Variants in LAIR1 observed in about 807,000 individuals in gnomAD.
LAIR1 encodes the protein leukocyte associated immunoglobulin like receptor 1, also known as leukocyte-associated immunoglobulin-like receptor 1.
In LAIR1, 24 loss-of-function variants were observed where a neutral mutation model predicts 32.8. The observed-to-expected ratio is 0.73, with a 90% confidence interval of 0.53 to 1.03. The LOEUF (loss-of-function observed/expected upper bound fraction) is 1.03. LAIR1 is among the 50% of genes least tolerant of loss of function. The pLI, the probability that LAIR1 is intolerant of heterozygous loss-of-function variation, is 0.00. For missense variants in LAIR1, 355 were observed against 347.5 expected (o/e 1.02, Z -0.17); for synonymous variants, 150 against 140.5 (o/e 1.07, Z -0.48).
intron 4 of LAIR1, chr19:54,358,187 ATTATAG>A (rs1327511166): frequency 1.4e-5 from 2 of 146,362 alleles, no homozygotes; most frequent in African/African-American, 5.0e-5. Flanking sequence ...TATTTTTTCT[ATTATAG>A]TTATACATAA....
chr19:54,358,663 C>A (rs2081858478), intron 4 of LAIR1: 10 of 1,489,714 alleles, frequency 6.7e-6, no homozygotes, highest in Non-Finnish European at 9.2e-6. Context: ...TTAATAGGAG[C>A]ATCCCTCCTT....
chr19:54,372,137 A>G (rs2082420371), upstream of LAIR1, among the ~76,000 whole-genome samples: 1 of 151,660 alleles, frequency 6.6e-6, no homozygotes, highest in Non-Finnish European at 1.5e-5. Flanking sequence ...CCCTTCGGTA[A>G]ATATCAAGGA....
At chr19:54,375,966 C>T in the LAIR1 span, among the ~76,000 whole-genome samples, 13 of 151,722 alleles carry the variant, frequency 8.6e-5, no homozygotes, top group Non-Finnish European at 1.8e-4. Context: ...TGGGGGCCCC[C>T]GGTTGGCAGT....
At chr19:54,356,425 G>A in intron 6 of LAIR1, 27 bp from the exon 7 acceptor site, 2 of 1,607,292 alleles carry the variant, frequency 1.2e-6, no homozygotes, top group Non-Finnish European at 1.7e-6. Context: ...TGTGAATTAA[G>A]GAGACCTTCT....
rs773284375 is a variant in LAIR1, at chr19:54,355,964, G to A, written c.707C>T (p.Thr236Met). ...VNGLPEKDRE[T>M]DTSALAAGSS... ...AGTAGGAAGGCTCACCGAGGTGTCC[G>A]TCTCTCTGTCCTTCTCAGGAAGTCC... is the stretch of plus-strand genomic sequence containing the variant. The change falls in exon 9 of 10, where the codon ACG (threonine) becomes ATG (methionine). Residue 236 changes from threonine (T) to methionine (M), a missense_variant. Physicochemically the swap from Thr to Met is moderately conservative, Grantham distance 81. Transcript: ENST00000391742. This position sits in a 1 kb window ranked among gnomAD's most constrained non-coding sequence, Gnocchi z 4.7. The A allele has an allele frequency of 2.1e-5, 34 of 1,604,224 alleles. No individual in the cohort carries two copies. The highest frequency in any genetic ancestry group is 3.3e-5 in the Admixed American group (2 of 59,972).
chr19:54,373,431 G>C (rs556704641), upstream of LAIR1, among the ~76,000 whole-genome samples: 7 of 151,884 alleles, frequency 4.6e-5, no homozygotes, highest in Non-Finnish European at 8.8e-5. Context: ...GTGACAGAGC[G>C]AGACTCCGTC....
rs2287826 is a variant in LAIR1 at position 54,351,651 on chromosome 19, A to G, written c.*3617T>C. The stretch of plus-strand genomic sequence containing the variant: ...TCTTAAGTAGTAGTTTCCATTGGAC[A>G]GCAGGTGTGTAAGCAGGAGCCAAGA... On this transcript the variant is annotated 3_prime_UTR_variant, in exon 10 of 10. Transcript: ENST00000391742. 0.95 allele frequency: 144,819 copies of G among 152,188 alleles called. 68,925 individuals carry two copies. Among genetic ancestry groups the G allele is most frequent in the Middle Eastern group, 0.98 (288 of 294 alleles). 9.4% of individuals were successfully genotyped at this position (152,188 alleles called of 1,614,324 possible).
At chr19:54,370,682 T>G (rs7246218), upstream of LAIR1, 2 of 176,464 alleles carry the variant, frequency 1.1e-5, no homozygotes, top group South Asian at 3.7e-4. Context: ...CTCCCTGCCC[T>G]GTATACGTCT....
chr19:54,372,243 C>A (rs1418226465), upstream of LAIR1, among the ~76,000 whole-genome samples: 1 of 151,550 alleles, frequency 6.6e-6, no homozygotes, highest in Non-Finnish European at 1.5e-5. Context: ...GCAATCCCAC[C>A]AGCAATGAAT....
At chr19:54,356,435 T>G in intron 6 of LAIR1, 37 bp from the exon 7 acceptor site, 1 of 1,609,734 alleles carries the variant, frequency 6.2e-7, no homozygotes, top group Non-Finnish European at 8.5e-7. Flanking sequence ...GGAGACCTTC[T>G]TCCTAGCCTC....
intron 5 of LAIR1, 141 bp from the exon 6 acceptor site, chr19:54,356,760 C>G: frequency 8.6e-7 from 1 of 1,161,876 alleles, no homozygotes; most frequent in Non-Finnish European, 1.2e-6. Context: ...GTACAGGGAT[C>G]GTTATCCCCT....
At chr19:54,356,128 A>G in intron 8 of LAIR1, 102 bp downstream of exon 8, 2 of 1,371,524 alleles carry the variant, frequency 1.5e-6, no homozygotes, top group Non-Finnish European at 2.1e-6. Context: ...ACCTTCTAGA[A>G]TGTTCCCAAA....
At chr19:54,364,934 C>T (rs2082202813), upstream of LAIR1, 2 of 1,575,558 alleles carry the variant, frequency 1.3e-6, no homozygotes, top group Non-Finnish European at 1.7e-6. The surrounding 1 kb of genome is among the most constrained non-coding windows in gnomAD (Gnocchi z 4.8). Flanking sequence ...CAGCAACTGC[C>T]TCACACAAGA....
At chr19:54,371,306 TA>T (rs1479244994), upstream of LAIR1, among the ~76,000 whole-genome samples, 2 of 151,448 alleles carry the variant, frequency 1.3e-5, no homozygotes, top group African/African-American at 4.9e-5. Flanking sequence ...TGCTATCATT[TA>T]AAAATTGTAT....
intron 3 of LAIR1, 152 bp from the exon 4 acceptor site, chr19:54,360,224 T>C (rs2122470681): frequency 5.3e-6 from 1 of 187,026 alleles, no homozygotes; most frequent in East Asian, 1.2e-4. Flanking sequence ...GACAGGAGGC[T>C]GGGGAGAGCC....
At chr19:54,363,963 A>T (rs1325053365) in intron 2 of LAIR1, among the ~76,000 whole-genome samples, 1 of 152,238 alleles carries the variant, frequency 6.6e-6, no homozygotes, top group East Asian at 1.9e-4. Flanking sequence ...CACAATAAGT[A>T]TGTGATGGGG....
chr19:54,356,662 G>A (rs1221485190), intron 5 of LAIR1, 43 bp from the exon 6 acceptor site: 1 of 1,591,656 alleles, frequency 6.3e-7, no homozygotes, highest in East Asian at 2.2e-5. Flanking sequence ...TGCATTTATT[G>A]AGCACCTACT....
chr19:54,365,488 G>A (rs1488745293), upstream of LAIR1, among the ~76,000 whole-genome samples: 1 of 152,070 alleles, frequency 6.6e-6, no homozygotes, highest in African/African-American at 2.4e-5. Flanking sequence ...CCCACTTCTG[G>A]GTCTGTATTT....
Position 54,362,272 on chromosome 19 carries a change from G to T in LAIR1, c.71-1063C>A, listed in dbSNP as rs148407097. On this transcript the variant is annotated intron_variant, in intron 2 of 9. Coordinates refer to ENST00000391742, the MANE Select transcript of LAIR1 (RefSeq NM_002287.6). ...ATCCTGAACTTACTCTTCCTGTCTA[G>T]ACGAAATTTTCTATCCTTTGACCAG... 1.2e-4 allele frequency among the ~76,000 whole-genome samples: 18 copies of T among 152,266 alleles called. No homozygotes were observed. The East Asian group carries it at 3.3e-3, about 28-fold the overall frequency.
Sources: allele counts gnomAD v4.1 joint callset (sites outside exome capture counted in the v4.1 genomes callset), GRCh38; gene constraint gnomAD v4.1.1; non-coding constraint Gnocchi (gnomAD v3.1); transcripts MANE v1.5; gene names NCBI Gene and HGNC (gene_info 2026-07-23, HGNC 2026-07-21).